The following ERICH3 variants were observed in gnomAD, a reference collection of about 807,000 sequenced individuals.
ERICH3 encodes glutamate rich 3, also known as glutamate-rich protein 3.
ERICH3 carries 126 observed loss-of-function variants against 131.1 expected under a neutral mutation model. That is an observed-to-expected ratio of 0.96 (90% CI 0.83 to 1.11). ERICH3 has a LOEUF of 1.11. Among genes scored for constraint, ERICH3 ranks in the 50% most tolerant of loss-of-function variants. ERICH3 has a pLI of 0.00. For missense variants in ERICH3, 2,050 were observed against 1,810.7 expected (o/e 1.13, Z -2.40); for synonymous variants, 695 against 644.6 (o/e 1.08, Z -1.18).
At chr1:74,622,824 C>G (rs77025167) in intron 7 of ERICH3, 1 of 152,120 alleles carries the variant, frequency 6.6e-6, no homozygotes, top group Non-Finnish European at 1.5e-5. Context: ...TTCATTTCCT[C>G]TTATTCATAT....
chr1:74,653,417 G>A (rs1055982100), intron 1 of ERICH3, among the ~76,000 whole-genome samples: 1 of 151,356 alleles, frequency 6.6e-6, no homozygotes, highest in African/African-American at 2.4e-5. Context: ...GAGAGAGAGA[G>A]AACGAGAGAG....
chr1:74,657,774 T>G (rs899301356), intron 1 of ERICH3, among the ~76,000 whole-genome samples: 1 of 152,142 alleles, frequency 6.6e-6, no homozygotes, highest in South Asian at 2.1e-4. Context: ...GGAGACACAC[T>G]AAGTTTGACC....
intron 5 of ERICH3, among the ~76,000 whole-genome samples, chr1:74,638,422 C>T (rs1293079764): frequency 6.6e-6 from 1 of 152,068 alleles, no homozygotes; most frequent in Non-Finnish European, 1.5e-5. Flanking sequence ...TTAGGGTAAG[C>T]CAAAGAGGCT....
chr1:74,621,113 G>A (rs925978349), intron 7 of ERICH3, among the ~76,000 whole-genome samples, 199 bp from the exon 8 acceptor site: 2 of 152,086 alleles, frequency 1.3e-5, no homozygotes, highest in African/African-American at 4.8e-5. Context: ...TAACATATAT[G>A]TTTTGGCTTT....
At position 74,571,181 on chromosome 1, in the gene ERICH3, T is replaced by G. The variant is rs775029256; in HGVS notation, c.4529A>C (p.Gln1510Pro). 1.2e-6 allele frequency: 2 copies of G among 1,614,172 alleles called. No homozygotes were observed. Among genetic ancestry groups the G allele is most frequent in the Non-Finnish European group, 1.7e-6 (2 of 1,180,018 alleles). Reference protein sequence around the residue: ...KPDFTETREKQQHMVQGESET... With the variant: ...KPDFTETREKPQHMVQGESET... Reference sequence around the variant, plus strand: ...GCTTTCTCCTTGCACCATATGCTGTTGCTTCTCTCGGGTTTCAGTGAAATC... The same window carrying G: ...GCTTTCTCCTTGCACCATATGCTGTGGCTTCTCTCGGGTTTCAGTGAAATC... Residue 1510 changes from glutamine (Q) to proline (P), a missense_variant, in exon 14 of 15, where the codon CAA becomes CCA. By Grantham distance (76) the Gln-to-Pro change is moderately conservative. Coordinates refer to ENST00000326665, the MANE Select transcript of ERICH3 (RefSeq NM_001002912.5).
chr1:74,620,259 A>G (rs1649156652), intron 8 of ERICH3, among the ~76,000 whole-genome samples: 1 of 152,174 alleles, frequency 6.6e-6, no homozygotes, highest in Non-Finnish European at 1.5e-5. Context: ...ATGTACTAAA[A>G]AGCTATTTAG....
At chr1:74,648,674 T>G (rs1646505595) in intron 2 of ERICH3, among the ~76,000 whole-genome samples, 1 of 152,136 alleles carries the variant, frequency 6.6e-6, no homozygotes, top group Admixed American at 6.6e-5. Context: ...ACTATAACAT[T>G]TTGAAAAGGT....
rs1456305653 is a variant in ERICH3, at chr1:74,641,387, T to C, written c.388A>G (p.Ser130Gly). 1.2e-6 allele frequency: 2 copies of C among 1,612,910 alleles called. No individual in the cohort carries two copies. The highest frequency in any genetic ancestry group is 1.7e-6 in the Non-Finnish European group (2 of 1,179,452). ...ACCAGAACACTATGGCCACGATTACTCTTTGGGCCAACTGGTGGGTGGGGA... is the reference window on the plus strand; with the variant it reads ...ACCAGAACACTATGGCCACGATTACCCTTTGGGCCAACTGGTGGGTGGGGA... Reference protein sequence around the residue: ...LSPHPPVGPKSNRGHSVLVDE... With the variant: ...LSPHPPVGPKGNRGHSVLVDE... The change falls in exon 5 of 15, where the codon AGT becomes GGT. Residue 130 changes from serine (S) to glycine (G), a missense_variant. Coordinates refer to ENST00000326665, the MANE Select transcript of ERICH3 (RefSeq NM_001002912.5).
In ERICH3 at chr1:74,636,460, T is replaced by G. The variant is rs775990285; in HGVS notation, c.445-22A>C. 164 of 1,588,120 alleles carry G rather than the reference T, an allele frequency of 1.0e-4. 1 individual carries two copies. Among genetic ancestry groups the G allele is most frequent in the South Asian group, 4.0e-4 (35 of 87,254 alleles). Reference sequence around the variant, plus strand: ...CTGTCTAGACAATTAGGGGAAAAAATTCCATTTAAATTAGTATCTTGACAT... The same window carrying G: ...CTGTCTAGACAATTAGGGGAAAAAAGTCCATTTAAATTAGTATCTTGACAT... On this transcript the variant is annotated intron_variant, in intron 5 of 14. Transcript: ENST00000326665.
At chr1:74,576,209 A>G (rs1171570173) in intron 13 of ERICH3, among the ~76,000 whole-genome samples, 1 of 152,240 alleles carries the variant, frequency 6.6e-6, no homozygotes, top group Non-Finnish European at 1.5e-5. Flanking sequence ...TGCTTAGCAT[A>G]GTGCCTGGCA....
intron 5 of ERICH3, among the ~76,000 whole-genome samples, chr1:74,638,275 C>T (rs889392648): frequency 2.0e-5 from 3 of 152,052 alleles, no homozygotes; most frequent in South Asian, 2.1e-4. Context: ...CCATAGAAAC[C>T]GTGAGAACAT....
chr1:74,635,256 C>T (rs1382328402), intron 6 of ERICH3, among the ~76,000 whole-genome samples: 1 of 152,032 alleles, frequency 6.6e-6, no homozygotes, highest in African/African-American at 2.4e-5. Flanking sequence ...AAGCAGTCTT[C>T]CCTGGATGAA....
chr1:74,613,182 C>T (rs1416354489), intron 8 of ERICH3, among the ~76,000 whole-genome samples: 1 of 152,156 alleles, frequency 6.6e-6, no homozygotes, highest in Non-Finnish European at 1.5e-5. Context: ...GATAAAATTG[C>T]ATTTGATTAC....
rs1245766943 is a variant in ERICH3, at chr1:74,573,039, C to T, written c.2671G>A (p.Ala891Thr). 2 of 1,614,164 alleles carry T rather than the reference C, an allele frequency of 1.2e-6. No homozygotes were observed. The highest frequency in any genetic ancestry group is 3.3e-5 in the Admixed American group (2 of 60,018). Residue 891 changes from alanine (A) to threonine (T), a missense_variant, in exon 14 of 15, where the codon GCA becomes ACA. Coordinates refer to ENST00000326665, the MANE Select transcript of ERICH3 (RefSeq NM_001002912.5). Reference protein sequence around the residue: ...LMLTVLETDKAASEGEQGLEK... With the variant: ...LMLTVLETDKTASEGEQGLEK... The stretch of plus-strand genomic sequence containing the variant: ...AAACCCTGTTCCCCTTCAGAAGCTG[C>T]TTTGTCTGTCTCAAGCACTGTGAGC...
intron 3 of ERICH3, among the ~76,000 whole-genome samples, chr1:74,643,936 C>T (rs1045355285): frequency 6.6e-6 from 1 of 152,080 alleles, no homozygotes; most frequent in Admixed American, 6.6e-5. Context: ...TGCATGTTAA[C>T]AGCCGTTGTC....
At chr1:74,610,296 T>A (rs978045658) in intron 9 of ERICH3, among the ~76,000 whole-genome samples, 1 of 151,366 alleles carries the variant, frequency 6.6e-6, no homozygotes, top group African/African-American at 2.4e-5. Context: ...TTATCCTCAG[T>A]TGATAAATTT....
intron 3 of ERICH3, among the ~76,000 whole-genome samples, chr1:74,643,588 G>A (rs911278919): frequency 2.0e-5 from 3 of 152,070 alleles, no homozygotes; most frequent in Non-Finnish European, 2.9e-5. Flanking sequence ...GATAAAAGCA[G>A]GATACAGAAT....
Position 74,606,794 on chromosome 1 carries a change from C to T in ERICH3, c.1296G>A (p.Arg432=), listed in dbSNP as rs1648417277. 6.2e-7 allele frequency: 1 copy of T among 1,613,260 alleles called. No individual in the cohort carries two copies. Among genetic ancestry groups the T allele is most frequent in the Non-Finnish European group, 8.5e-7 (1 of 1,179,568 alleles). ...EELKKAEGKV[R]KEREYVIPKR... ...TTGGTATCACATACTCTCTCTCTTTCCTCACTTTCCCCTCAGCCTTCTTCA... is the reference window on the plus strand; with the variant it reads ...TTGGTATCACATACTCTCTCTCTTTTCTCACTTTCCCCTCAGCCTTCTTCA... Residue 432 remains arginine, a synonymous_variant, in exon 10 of 15, where the codon AGG becomes AGA. Coordinates refer to ENST00000326665, the MANE Select transcript of ERICH3 (RefSeq NM_001002912.5).
intron 1 of ERICH3, 139 bp downstream of exon 1, chr1:74,673,358 T>A: frequency 1.1e-6 from 1 of 899,256 alleles, no homozygotes; most frequent in East Asian, 3.2e-5. Flanking sequence ...CAACCCAGAA[T>A]TCGTATATAT....
Sources: gnomAD v4.1 joint callset for allele counts (sites outside exome capture counted in the v4.1 genomes callset) on GRCh38, gnomAD v4.1.1 for gene constraint, MANE v1.5 for transcripts, NCBI Gene and HGNC (gene_info 2026-07-23, HGNC 2026-07-21) for gene names.